The following TMEM232 variants were observed in gnomAD, a reference collection of about 807,000 sequenced individuals.
TMEM232 encodes transmembrane protein 232.
Under a neutral mutation model 78.8 loss-of-function variants are expected in TMEM232, and 80 were observed. The observed-to-expected ratio is 1.01, with a 90% confidence interval of 0.85 to 1.22. The LOEUF is 1.22. Ranked by LOEUF, TMEM232 falls within the 50% of genes most tolerant of loss-of-function variation. TMEM232 has a pLI of 0.00. For missense variants in TMEM232, 881 were observed against 742.2 expected, an observed-to-expected ratio of 1.19 and a Z score of -2.17; for synonymous variants, 297 against 254.3, an observed-to-expected ratio of 1.17 and a Z score of -1.60.
chr5:110,403,325 A>C (rs765480324), intron 2 of TMEM232, among the ~76,000 whole-genome samples: 30 of 152,088 alleles, frequency 2.0e-4, no homozygotes, highest in Non-Finnish European at 3.8e-4. Flanking sequence ...GAATGGCTCT[A>C]TTTACCATCA....
At chr5:110,533,761 C>T (rs1432227242) in intron 11 of TMEM232, among the ~76,000 whole-genome samples, 1 of 152,090 alleles carries the variant, frequency 6.6e-6, no homozygotes. Context: ...ACGTTCACCC[C>T]ATTTCCCCAC....
intron 10 of TMEM232, among the ~76,000 whole-genome samples, chr5:110,603,186 T>G (rs1392709821): frequency 6.6e-6 from 1 of 152,124 alleles, no homozygotes; most frequent in Non-Finnish European, 1.5e-5. Context: ...AAATACCTAA[T>G]GCATGAGGGG....
chr5:110,545,663 G>A (rs560050148), intron 11 of TMEM232, among the ~76,000 whole-genome samples: 2 of 151,884 alleles, frequency 1.3e-5, no homozygotes, highest in African/African-American at 2.4e-5. Flanking sequence ...AGCACATTAG[G>A]GATATGGAAA....
At chr5:110,402,700 CA>C (rs1446655223) in intron 2 of TMEM232, among the ~76,000 whole-genome samples, 3 of 152,042 alleles carry the variant, frequency 2.0e-5, no homozygotes, top group Non-Finnish European at 4.4e-5. Context: ...GCAACATCTC[CA>C]AAAGGTTTTT....
intron 11 of TMEM232, among the ~76,000 whole-genome samples, chr5:110,566,644 G>A (rs1305289383): frequency 6.6e-6 from 1 of 151,838 alleles, no homozygotes; most frequent in Non-Finnish European, 1.5e-5. Flanking sequence ...GGACTTCATT[G>A]TCCACATCAC....
chr5:110,640,903 C>G lies in TMEM232; in HGVS notation c.331G>C (p.Glu111Gln), dbSNP rs1485358511. The G allele has an allele frequency of 3.9e-6, 6 of 1,530,508 alleles. No individual in the cohort carries two copies. In the Admixed American group the frequency reaches 1.0e-4, roughly 26 times the overall value. 94.8% of individuals were successfully genotyped at this position (1,530,508 alleles called of 1,614,324 possible). ...TTAAAGTACGTACCATCTTGGATTTCCCCTTTGCATTGAGCCAGATATATT... is the reference window on the plus strand; with the variant it reads ...TTAAAGTACGTACCATCTTGGATTTGCCCTTTGCATTGAGCCAGATATATT... The part of the protein sequence containing the change: ...EVIYLAQCKG[E>Q]IQDESLNMLY... The change falls in exon 4 of 14, where the codon GAA becomes CAA. Residue 111 changes from glutamate to glutamine, a missense_variant. Physicochemically the swap from Glu to Gln is conservative, Grantham distance 29. Coordinates refer to ENST00000455884, the MANE Select transcript of TMEM232 (RefSeq NM_001039763.4).
intron 12 of TMEM232, among the ~76,000 whole-genome samples, chr5:110,490,725 A>C (rs147335335): frequency 6.6e-6 from 1 of 152,152 alleles, no homozygotes; most frequent in African/African-American, 2.4e-5. Flanking sequence ...AGACAATTGA[A>C]AGGAATATAA....
intron 1 of TMEM232, among the ~76,000 whole-genome samples, chr5:110,708,355 C>T (rs754656644): frequency 1.3e-4 from 20 of 152,070 alleles, no homozygotes; most frequent in Non-Finnish European, 8.8e-5. Context: ...GACTTCTTCA[C>T]AGAAAGAAAA....
chr5:110,534,944 T>C lies in TMEM232; in HGVS notation c.1456-6109A>G, dbSNP rs575731027. Among the ~76,000 whole-genome samples the C allele has an allele frequency of 3.6e-4, 54 of 152,012 alleles. No individual in the cohort carries two copies. In the South Asian group the frequency reaches 0.011, roughly 32 times the overall value. ...CACAATATCACCCCTTACCACAAAA[T>C]CTTCCTTCAGCTTAATCTCTCCCAC... is the stretch of plus-strand genomic sequence containing the variant. On this transcript the variant is annotated intron_variant, in intron 11 of 13. Transcript: ENST00000455884.
intron 2 of TMEM232, among the ~76,000 whole-genome samples, chr5:110,409,853 C>T (rs571966804): frequency 6.6e-5 from 10 of 152,252 alleles, no homozygotes; most frequent in African/African-American, 2.2e-4. Context: ...CTAGCAAATC[C>T]TGCTCTGGTC....
chr5:110,530,349 C>T (rs191331851), intron 11 of TMEM232, among the ~76,000 whole-genome samples: 100 of 152,226 alleles, frequency 6.6e-4, no homozygotes, highest in African/African-American at 2.3e-3. Flanking sequence ...TGCAAGTAAG[C>T]AAGCATGTGA....
chr5:110,408,587 C>T (rs1222420728), intron 2 of TMEM232, among the ~76,000 whole-genome samples: 1 of 151,472 alleles, frequency 6.6e-6, no homozygotes, highest in African/African-American at 2.4e-5. Flanking sequence ...GAGACTCTGT[C>T]TCAAAAAACA....
chr5:110,663,805 C>T (rs970008416), intron 2 of TMEM232, among the ~76,000 whole-genome samples: 2 of 150,576 alleles, frequency 1.3e-5, no homozygotes, highest in African/African-American at 4.9e-5. Flanking sequence ...TTTGGAGACC[C>T]ATAGAAAGCA....
At chr5:110,600,509 C>G (rs1780752423) in intron 10 of TMEM232, among the ~76,000 whole-genome samples, 1 of 152,116 alleles carries the variant, frequency 6.6e-6, no homozygotes, top group East Asian at 1.9e-4. Context: ...GAAATACAAA[C>G]TACCATCAGA....
intron 5 of TMEM232, chr5:110,628,747 T>C (rs868037474): frequency 1.3e-5 from 2 of 151,540 alleles, no homozygotes; most frequent in African/African-American, 4.8e-5. Context: ...TGTAATGATA[T>C]ACATGTAAAA....
At chr5:110,424,953 A>G in intron 12 of TMEM232, 37 bp from the exon 13 acceptor site, 2 of 1,397,194 alleles carry the variant, frequency 1.4e-6, no homozygotes, top group Non-Finnish European at 2.0e-6. Flanking sequence ...AACATTAGGT[A>G]TAGGTACTCC....
chr5:110,595,307 A>G (rs1780028243), intron 10 of TMEM232, among the ~76,000 whole-genome samples: 1 of 152,210 alleles, frequency 6.6e-6, no homozygotes, highest in Non-Finnish European at 1.5e-5. Flanking sequence ...TAAATTCACA[A>G]AGATGAGGGA....
chr5:110,391,326 T>TGTGTGAGAGAGAGA (rs549361387), intron 3 of TMEM232, among the ~76,000 whole-genome samples: 35 of 139,922 alleles, frequency 2.5e-4, no homozygotes, highest in African/African-American at 1.0e-3. Flanking sequence ...TGTGTGTGTG[T>TGTGTGAGAGAGAGA]GAGAGAGAGA....
intron 12 of TMEM232, among the ~76,000 whole-genome samples, chr5:110,523,875 T>A (rs1769938545): frequency 6.8e-6 from 1 of 148,036 alleles, no homozygotes; most frequent in African/African-American, 2.5e-5. Flanking sequence ...GTGGGAATAT[T>A]GCTTGAGCCC....
Sources: allele counts gnomAD v4.1 joint callset (sites outside exome capture counted in the v4.1 genomes callset), GRCh38; gene constraint gnomAD v4.1.1; transcripts MANE v1.5; gene names NCBI Gene and HGNC (gene_info 2026-07-23, HGNC 2026-07-21).